TSC22D3: variants seen among roughly 807,000 people sequenced by gnomAD.
TSC22D3 encodes TSC22 domain family protein 3.
Under a neutral mutation model 11.1 loss-of-function variants are expected in TSC22D3, and 4 were observed. The observed-to-expected ratio is 0.36, with a 90% CI of 0.18 to 0.83. The LOEUF (loss-of-function observed/expected upper bound fraction) is 0.83, where lower values mean the gene tolerates loss of function less well. Ranked by LOEUF, TSC22D3 falls within the 40% of genes least tolerant of loss-of-function variation. The probability of loss-of-function intolerance (pLI) is 0.48; values close to 1 mark genes in which losing one functional copy is unlikely to be tolerated. For missense variants in TSC22D3, 118 were observed against 159.4 expected, an observed-to-expected ratio of 0.74 and a Z score of 1.40; for synonymous variants, 77 against 70.3, an observed-to-expected ratio of 1.10 and a Z score of -0.48.
At chrX:107,716,388 C>G in intron 1 of TSC22D3, 1 of 929,241 alleles carries the variant, frequency 1.1e-6, no homozygotes, top group Non-Finnish European at 1.3e-6. Flanking sequence ...GCGCACGGCG[C>G]TCGGCCAGCC....
At chrX:107,738,855 G>T (rs949436782) in intron 1 of TSC22D3, among the ~76,000 whole-genome samples, 2 of 111,463 alleles carry the variant, frequency 1.8e-5, no homozygotes, top group Non-Finnish European at 3.8e-5. Context: ...ATGACACATG[G>T]TTCTACAAGT....
chrX:107,766,179 GC>G (rs1256627377), intron 1 of TSC22D3, among the ~76,000 whole-genome samples: 1 of 111,873 alleles, frequency 8.9e-6, no homozygotes, highest in Non-Finnish European at 1.9e-5. Flanking sequence ...GGTATTCTGT[GC>G]TGTAGATAGT....
intron 1 of TSC22D3, among the ~76,000 whole-genome samples, chrX:107,722,875 C>T (rs1927414729): frequency 8.9e-6 from 1 of 111,974 alleles, no homozygotes; most frequent in Non-Finnish European, 1.9e-5. Flanking sequence ...AAGTTGTATG[C>T]TTATTCAAAG....
At chrX:107,721,898 T>C in intron 1 of TSC22D3, 1 of 517,238 alleles carries the variant, frequency 1.9e-6, no homozygotes, top group Non-Finnish European at 3.5e-6. Flanking sequence ...ATAAGGAGGC[T>C]GAAATGCCAT....
intron 1 of TSC22D3, among the ~76,000 whole-genome samples, chrX:107,727,299 G>A (rs1398760076): frequency 8.9e-6 from 1 of 111,920 alleles, no homozygotes; most frequent in East Asian, 2.8e-4. Flanking sequence ...TTAAACGAAC[G>A]TGTTCAAGTG....
At chrX:107,725,566 C>T (rs1245786246) in intron 1 of TSC22D3, among the ~76,000 whole-genome samples, 2 of 112,048 alleles carry the variant, frequency 1.8e-5, no homozygotes, top group African/African-American at 3.2e-5. Context: ...GTGACACATT[C>T]GGACGAGGCT....
chrX:107,723,409 C>T (rs888770496), intron 1 of TSC22D3, among the ~76,000 whole-genome samples: 2 of 112,611 alleles, frequency 1.8e-5, no homozygotes, highest in Non-Finnish European at 3.8e-5. Context: ...GTGCCAACTT[C>T]TCGATCTTTG....
In TSC22D3 at chrX:107,775,129, G is replaced by T; in HGVS notation, c.291C>A (p.Thr97=). ...GGAAGAAGAGCAGGATGGAGAGCATGGTCTGGTCGATGTTGCGGTTGCAGA... is the reference window on the plus strand; with the variant it reads ...GGAAGAAGAGCAGGATGGAGAGCATTGTCTGGTCGATGTTGCGGTTGCAGA... ...EGICNRNIDQ[T]MLSILLFFHS... Residue 97 remains threonine, a synonymous_variant, in exon 1 of 3, where the codon ACC becomes ACA. Transcript: ENST00000372383. 1 of 1,212,045 alleles carries T rather than the reference G, an allele frequency of 8.3e-7. No individual in the cohort carries two copies.
intron 1 of TSC22D3, among the ~76,000 whole-genome samples, chrX:107,725,956 G>A (rs1172044017): frequency 8.9e-6 from 1 of 111,892 alleles, no homozygotes; most frequent in Non-Finnish European, 1.9e-5. Flanking sequence ...CCTTGTGGCT[G>A]TCACTGCCCG....
chrX:107,743,191 CG>C (rs1219070736), intron 1 of TSC22D3, among the ~76,000 whole-genome samples: 1 of 112,586 alleles, frequency 8.9e-6, no homozygotes, highest in Admixed American at 9.3e-5. Context: ...GGCGGCACAA[CG>C]ACAAACACAG....
At chrX:107,721,113 G>T (rs938383172) in intron 1 of TSC22D3, among the ~76,000 whole-genome samples, 1 of 111,844 alleles carries the variant, frequency 8.9e-6, no homozygotes, top group South Asian at 3.8e-4. Flanking sequence ...CCCTTTGCTG[G>T]CTCTCAGCTG....
chrX:107,715,702 C>A, intron 2 of TSC22D3, 197 bp downstream of exon 2: 1 of 492,706 alleles, frequency 2.0e-6, no homozygotes, highest in Admixed American at 2.8e-5. Flanking sequence ...AGGAGGGAGC[C>A]CAGGAAGGGA....
chrX:107,716,395 A>C, intron 1 of TSC22D3: 1 of 929,074 alleles, frequency 1.1e-6, no homozygotes. Flanking sequence ...GCGCTCGGCC[A>C]GCCCCCTGCC....
Position 107,775,471 on chromosome X carries a change from G to A in TSC22D3, c.-52C>T. ...CTGCGAGGTCAGGGGCGGCTGGCAG[G>A]TGCGCGCCCACCGAGCTGGCCTGAG... On this transcript the variant is annotated 5_prime_UTR_variant, in exon 1 of 3. Transcript: ENST00000372383. The A allele has an allele frequency of 9.5e-7, 1 of 1,056,706 alleles. No homozygotes were observed. Among genetic ancestry groups the A allele is most frequent in the Non-Finnish European group, 1.3e-6 (1 of 792,104 alleles). 87.1% of individuals were successfully genotyped at this position (1,056,706 alleles called of 1,213,427 possible). A position where few individuals can be genotyped will look rare whatever the true frequency, so the allele number is the denominator to read the frequency against.
intron 1 of TSC22D3, among the ~76,000 whole-genome samples, chrX:107,754,687 G>A (rs61548670): frequency 0.017 from 1,942 of 111,984 alleles, 41 homozygotes; most frequent in African/African-American, 0.059. Context: ...CTATGAAGTC[G>A]TCTTCCTTCT....
chrX:107,729,960 T>C (rs1927809820), intron 1 of TSC22D3, among the ~76,000 whole-genome samples: 1 of 112,578 alleles, frequency 8.9e-6, no homozygotes, highest in Non-Finnish European at 1.9e-5. Flanking sequence ...ATGAAAATTT[T>C]AACTTAACAA....
At chrX:107,760,395 G>A (rs769514584) in intron 1 of TSC22D3, among the ~76,000 whole-genome samples, 196 of 113,129 alleles carry the variant, frequency 1.7e-3, no homozygotes, top group Non-Finnish European at 3.0e-3. Context: ...GCCGTCTAGA[G>A]ACGAGAAGTC....
At chrX:107,743,305 G>T (rs965749246) in intron 1 of TSC22D3, among the ~76,000 whole-genome samples, 15 of 112,248 alleles carry the variant, frequency 1.3e-4, no homozygotes, top group African/African-American at 4.9e-4. Context: ...CATGAAGAAA[G>T]GGAGGGCGCT....
chrX:107,728,660 G>C lies in TSC22D3; in HGVS notation c.321-12710C>G, dbSNP rs1345020010. On this transcript the variant is annotated intron_variant, in intron 1 of 2. Coordinates refer to ENST00000372383, the MANE Select transcript of TSC22D3 (RefSeq NM_198057.3). ...CCATACAGCTGGAATGATGGGAGTG[G>C]GGGGAGGACAAAAACCATCTGGACT... Among the ~76,000 whole-genome samples the C allele has an allele frequency of 2.7e-5, 3 of 112,354 alleles. No individual in the cohort carries two copies. In the East Asian group the frequency reaches 8.3e-4, roughly 31 times the overall value.
Sources: gnomAD v4.1 joint callset for allele counts (sites outside exome capture counted in the v4.1 genomes callset) on GRCh38, gnomAD v4.1.1 for gene constraint, MANE v1.5 for transcripts, NCBI Gene and HGNC (gene_info 2026-07-23, HGNC 2026-07-21) for gene names.